Variants in PSMB1 observed in about 807,000 individuals in gnomAD.
PSMB1 encodes proteasome 20S subunit beta 1.
Under a neutral mutation model 25.4 loss-of-function variants are expected in PSMB1, and 7 were observed. The ratio of observed to expected loss-of-function variants is 0.28; its 90% CI spans 0.16 to 0.52. PSMB1 has a LOEUF of 0.52. Among genes scored for constraint, PSMB1 ranks in the 20% least tolerant of loss-of-function variants. The pLI is 0.97. For synonymous variants in PSMB1, 119 were observed against 115.0 expected (o/e 1.03, Z -0.22); for missense variants, 284 against 302.2 (o/e 0.94, Z 0.45).
chr6:170,536,426 T>C (rs996313960), intron 5 of PSMB1: 9 of 455,878 alleles, frequency 2.0e-5, no homozygotes, highest in Middle Eastern at 3.2e-4. Context: ...AAAGCACTAT[T>C]AGTGATGCTG....
intron 4 of PSMB1, among the ~76,000 whole-genome samples, chr6:170,539,028 C>T (rs947368092): frequency 1.3e-5 from 2 of 151,898 alleles, no homozygotes; most frequent in African/African-American, 4.8e-5. Flanking sequence ...TGTCCAAGAA[C>T]ACAGCTTTAA....
chr6:170,537,710 G>A (rs894519995), intron 4 of PSMB1, among the ~76,000 whole-genome samples: 2 of 152,168 alleles, frequency 1.3e-5, no homozygotes, highest in Non-Finnish European at 2.9e-5. Flanking sequence ...GATGACAAGA[G>A]AATTAACCAC....
intron 1 of PSMB1, among the ~76,000 whole-genome samples, chr6:170,552,010 T>C (rs1297955473): frequency 6.6e-6 from 1 of 152,264 alleles, no homozygotes; most frequent in East Asian, 1.9e-4. Flanking sequence ...GTTATCTTTC[T>C]AACACACTCC....
At chr6:170,553,065 C>T in intron 1 of PSMB1, 65 bp downstream of exon 1, 3 of 1,424,674 alleles carry the variant, frequency 2.1e-6, no homozygotes, top group Non-Finnish European at 2.9e-6. Context: ...GCGGTGACTC[C>T]TAAATAGGCT....
At chr6:170,547,473 G>T (rs1778833464) in intron 2 of PSMB1, among the ~76,000 whole-genome samples, 1 of 152,200 alleles carries the variant, frequency 6.6e-6, no homozygotes, top group African/African-American at 2.4e-5. Flanking sequence ...AATTCCTCTT[G>T]GAAACTTACG....
intron 5 of PSMB1, chr6:170,536,263 A>T: frequency 2.5e-6 from 1 of 396,930 alleles, no homozygotes; most frequent in South Asian, 1.8e-5. Flanking sequence ...AAATGTATAA[A>T]CTATATGTAG....
chr6:170,553,035 C>G, intron 1 of PSMB1, 95 bp downstream of exon 1: 1 of 1,124,662 alleles, frequency 8.9e-7, no homozygotes, highest in Non-Finnish European at 1.3e-6. Context: ...CCTGCAGGAG[C>G]CCGGGGCAGC....
Position 170,549,035 on chromosome 6 carries a change from A to G in PSMB1, c.192T>C (p.His64=). ...TGTAACATTTGGGGCTATCCCGCGTATGAATTGAAAACCCTTCACTCAATC... is the reference window on the plus strand; with the variant it reads ...TGTAACATTTGGGGCTATCCCGCGTGTGAATTGAAAACCCTTCACTCAATC... ...DTRLSEGFSI[H]TRDSPKCYKL... is the part of the protein sequence containing the mutation. The change falls in exon 2 of 6, where the codon CAT becomes CAC. Residue 64 remains histidine, a synonymous_variant. Coordinates refer to ENST00000262193, the MANE Select transcript of PSMB1 (RefSeq NM_002793.4). 6 of 1,613,004 alleles carry G rather than the reference A, an allele frequency of 3.7e-6. No individual in the cohort carries two copies. The highest frequency in any genetic ancestry group is 1.1e-5 in the South Asian group (1 of 91,064).
At chr6:170,536,686 T>C (rs1238694500) in intron 5 of PSMB1, among the ~76,000 whole-genome samples, 1 of 152,212 alleles carries the variant, frequency 6.6e-6, no homozygotes, top group East Asian at 1.9e-4. Context: ...ATACAGCACA[T>C]AATACATATG....
chr6:170,545,889 G>A (rs1194651310), intron 3 of PSMB1, among the ~76,000 whole-genome samples: 1 of 152,132 alleles, frequency 6.6e-6, no homozygotes, highest in Non-Finnish European at 1.5e-5. Flanking sequence ...TATGATACAA[G>A]ACTTTAACAA....
chr6:170,542,253 A>C (rs925526998), intron 4 of PSMB1, among the ~76,000 whole-genome samples: 4 of 152,174 alleles, frequency 2.6e-5, no homozygotes, highest in Non-Finnish European at 5.9e-5. Flanking sequence ...TAAGAGTCAG[A>C]GATAGCGCAC....
chr6:170,549,397 C>T (rs1420450228), intron 1 of PSMB1: 6 of 339,382 alleles, frequency 1.8e-5, no homozygotes, highest in South Asian at 1.4e-4. Flanking sequence ...TACTTACTCG[C>T]GCAAGGTACT....
chr6:170,542,128 C>T (rs1013617533), intron 4 of PSMB1, among the ~76,000 whole-genome samples: 1 of 152,104 alleles, frequency 6.6e-6, no homozygotes, highest in East Asian at 1.9e-4. Context: ...TCTTGGTTTT[C>T]AAGTAAGGTT....
At position 170,543,719 on chromosome 6, in the gene PSMB1, A is replaced by G. The variant is rs771925534; in HGVS notation, c.315T>C (p.His105=). 6.2e-7 allele frequency: 1 copy of G among 1,607,814 alleles called. No individual in the cohort carries two copies. Among genetic ancestry groups the G allele is most frequent in the Non-Finnish European group, 8.5e-7 (1 of 1,177,066 alleles). Residue 105 remains histidine, a synonymous_variant, in exon 4 of 6, where the codon CAT becomes CAC. Coordinates refer to ENST00000262193, the MANE Select transcript of PSMB1 (RefSeq NM_002793.4). ...IIEARLKMYK[H]SNNKAMTTGA... Reference sequence around the variant, plus strand: ...CCGTAGTCATGGCCTTATTATTGGAATGCTTATACATCTGCAATTATTGAT... The same window carrying G: ...CCGTAGTCATGGCCTTATTATTGGAGTGCTTATACATCTGCAATTATTGAT...
In PSMB1 at chr6:170,550,903, GA is replaced by G. The variant is rs1235373219; in HGVS notation, c.114-1791del. ...TGTAATCCCAACACTTTGGGAGGCT[GA>G]GGGGGGGGGGGGGGGTCAATTGCCT... On this transcript the variant is annotated intron_variant, in intron 1 of 5. Transcript: ENST00000262193. Among the ~76,000 whole-genome samples the G allele has an allele frequency of 6.5e-3, 285 of 43,760 alleles. 1 individual carries two copies. Among genetic ancestry groups the G allele is most frequent in the African/African-American group, 0.033 (246 of 7,494 alleles). 28.7% of individuals were successfully genotyped at this position (43,760 alleles called of 152,430 possible). A position where few individuals can be genotyped will look rare whatever the true frequency, so the allele number is the denominator to read the frequency against.
chr6:170,544,075 C>T (rs776207278), intron 3 of PSMB1, among the ~76,000 whole-genome samples: 18 of 152,160 alleles, frequency 1.2e-4, no homozygotes, highest in Non-Finnish European at 2.6e-4. Context: ...GACCAGGGGT[C>T]AACAAACTAC....
At chr6:170,535,633 T>C (rs952469482) in intron 5 of PSMB1, among the ~76,000 whole-genome samples, 2 of 152,184 alleles carry the variant, frequency 1.3e-5, no homozygotes, top group Non-Finnish European at 2.9e-5. Context: ...GAGAAGCACA[T>C]GACCCGGAGA....
In PSMB1 at chr6:170,546,665, C is replaced by T. The variant is rs192696485; in HGVS notation, c.222-481G>A. ...ATTTTTAGTACAGATGGGGTTTCAC[C>T]ATGTTGGCCAGGCTGGTCTCAAACT... On this transcript the variant is annotated intron_variant, in intron 2 of 5. Coordinates refer to ENST00000262193, the MANE Select transcript of PSMB1 (RefSeq NM_002793.4). Among the ~76,000 whole-genome samples, 308 of 152,246 alleles carry T rather than the reference C, an allele frequency of 2.0e-3. 3 individuals carry two copies. Among genetic ancestry groups the T allele is most frequent in the African/African-American group, 7.0e-3 (290 of 41,546 alleles).
intron 2 of PSMB1, among the ~76,000 whole-genome samples, chr6:170,547,405 C>T (rs184779114): frequency 1.6e-4 from 24 of 152,270 alleles, no homozygotes; most frequent in Middle Eastern, 6.8e-3. Context: ...AAAATTAATT[C>T]CTAGATCTTG....
Sources: allele counts gnomAD v4.1 joint callset (sites outside exome capture counted in the v4.1 genomes callset), GRCh38; gene constraint gnomAD v4.1.1; transcripts MANE v1.5; gene names NCBI Gene and HGNC (gene_info 2026-07-23, HGNC 2026-07-21).